Variants in KHDRBS2 observed in about 807,000 individuals in gnomAD.
The protein encoded by KHDRBS2 is KH domain-containing, RNA-binding, signal transduction-associated protein 2.
KHDRBS2 carries 26 observed loss-of-function variants against 44.3 expected under a neutral mutation model. The ratio of observed to expected loss-of-function variants is 0.59; its 90% CI spans 0.43 to 0.81. KHDRBS2 has a LOEUF of 0.81. Ranked by LOEUF, KHDRBS2 falls within the 40% of genes least tolerant of loss-of-function variation. KHDRBS2 has a pLI of 0.00. For synonymous variants in KHDRBS2, 194 were observed against 151.1 expected, an observed-to-expected ratio of 1.28 and a Z score of -2.08; for missense variants, 476 against 433.1, an observed-to-expected ratio of 1.10 and a Z score of -0.88.
intron 6 of KHDRBS2, among the ~76,000 whole-genome samples, chr6:61,735,230 T>C (rs1173113609): frequency 2.0e-5 from 3 of 152,136 alleles, no homozygotes; most frequent in African/African-American, 4.8e-5. Flanking sequence ...TCAACAATTA[T>C]TGACATTTTG....
At chr6:62,131,991 G>T (rs1170982484) in intron 2 of KHDRBS2, among the ~76,000 whole-genome samples, 1 of 152,130 alleles carries the variant, frequency 6.6e-6, no homozygotes, top group Non-Finnish European at 1.5e-5. Flanking sequence ...AGAAATCAGT[G>T]AAATCACTCA....
At chr6:61,580,604 C>T in the KHDRBS2 span, among the ~76,000 whole-genome samples, 18 of 152,084 alleles carry the variant, frequency 1.2e-4, no homozygotes, top group Admixed American at 7.9e-4. Flanking sequence ...GGCTTCATTC[C>T]TGAAGTCAGC....
chr6:61,882,593 A>C (rs1583315150), intron 6 of KHDRBS2, among the ~76,000 whole-genome samples: 1 of 152,068 alleles, frequency 6.6e-6, no homozygotes, highest in East Asian at 1.9e-4. Context: ...TCAACAATGA[A>C]GAGAAATAGT....
chr6:61,671,508 A>G, the KHDRBS2 span, among the ~76,000 whole-genome samples: 3,743 of 151,838 alleles, frequency 0.025, 73 homozygotes, highest in Middle Eastern at 0.082. Flanking sequence ...CATATCAAGT[A>G]GAGTGACTTT....
chr6:62,089,095 T>G (rs1798991300), intron 2 of KHDRBS2, among the ~76,000 whole-genome samples: 1 of 152,058 alleles, frequency 6.6e-6, no homozygotes, highest in Non-Finnish European at 1.5e-5. Flanking sequence ...CATCCCAGGT[T>G]GACTTCAGAC....
chr6:61,734,226 G>A (rs930829807), intron 6 of KHDRBS2, among the ~76,000 whole-genome samples: 7 of 151,882 alleles, frequency 4.6e-5, no homozygotes, highest in African/African-American at 1.7e-4. Flanking sequence ...TTTTTGCTCT[G>A]CAGTATGAAA....
intron 6 of KHDRBS2, among the ~76,000 whole-genome samples, chr6:61,764,827 G>A (rs1216999512): frequency 6.6e-6 from 1 of 151,956 alleles, no homozygotes; most frequent in Non-Finnish European, 1.5e-5. Context: ...CTTTCTGTAG[G>A]TTGTCTGTTC....
At chr6:62,048,845 A>G (rs1464653390) in intron 2 of KHDRBS2, among the ~76,000 whole-genome samples, 1 of 151,972 alleles carries the variant, frequency 6.6e-6, no homozygotes, top group Non-Finnish European at 1.5e-5. Flanking sequence ...AAATACAAAG[A>G]ACATAGAATG....
At chr6:61,779,321 C>T (rs537401507) in intron 6 of KHDRBS2, among the ~76,000 whole-genome samples, 2 of 151,954 alleles carry the variant, frequency 1.3e-5, no homozygotes, top group Non-Finnish European at 2.9e-5. Flanking sequence ...CATGGAGTTT[C>T]TATGGTATGA....
chr6:62,206,142 C>T lies in KHDRBS2; in HGVS notation c.92-28830G>A, dbSNP rs193204070. 8.7e-4 allele frequency among the ~76,000 whole-genome samples: 132 copies of T among 152,156 alleles called. 1 individual carries two copies. The highest frequency in any genetic ancestry group is 1.4e-3 in the Non-Finnish European group (97 of 67,974). On this transcript the variant is annotated intron_variant, in intron 1 of 8. Coordinates refer to ENST00000281156, the MANE Select transcript of KHDRBS2 (RefSeq NM_152688.4). Reference sequence around the variant, plus strand: ...TGAAGAGTCCGTATACAACAGAGAACCTCACTAAAAGTATCTTCAACAGAA... The same window carrying T: ...TGAAGAGTCCGTATACAACAGAGAATCTCACTAAAAGTATCTTCAACAGAA...
chr6:62,186,366 T>C (rs1466491267), intron 1 of KHDRBS2, among the ~76,000 whole-genome samples: 1 of 152,096 alleles, frequency 6.6e-6, no homozygotes, highest in African/African-American at 2.4e-5. Context: ...ATTATCATTT[T>C]ATTTACTTGC....
the KHDRBS2 span, among the ~76,000 whole-genome samples, chr6:61,591,122 A>T: frequency 2.0e-5 from 3 of 152,178 alleles, no homozygotes; most frequent in Admixed American, 6.5e-5. Context: ...TGTTTCTCAT[A>T]CTGTGCTTCA....
intron 3 of KHDRBS2, among the ~76,000 whole-genome samples, chr6:62,032,485 T>C (rs540102430): frequency 6.6e-6 from 1 of 151,762 alleles, no homozygotes; most frequent in African/African-American, 2.4e-5. Flanking sequence ...TTGTGGGACC[T>C]TGTGATCGTG....
chr6:61,589,872 T>C, the KHDRBS2 span, among the ~76,000 whole-genome samples: 1 of 152,204 alleles, frequency 6.6e-6, no homozygotes, highest in African/African-American at 2.4e-5. Flanking sequence ...ATGAGGGTTA[T>C]AGTCAGTCCC....
At chr6:61,933,749 GACC>G (rs1810516042) in intron 4 of KHDRBS2, among the ~76,000 whole-genome samples, 1 of 152,116 alleles carries the variant, frequency 6.6e-6, no homozygotes, top group East Asian at 1.9e-4. Context: ...AATTTTATGA[GACC>G]ACCGTGTATA....
At chr6:61,620,190 C>A in the KHDRBS2 span, among the ~76,000 whole-genome samples, 3 of 151,784 alleles carry the variant, frequency 2.0e-5, no homozygotes, top group Non-Finnish European at 4.4e-5. Context: ...AAACTATAAG[C>A]ATTCAGAAGT....
chr6:62,130,705 C>T (rs1334713110), intron 2 of KHDRBS2, among the ~76,000 whole-genome samples: 2 of 152,020 alleles, frequency 1.3e-5, no homozygotes, highest in East Asian at 3.9e-4. Context: ...TTTAAAACAC[C>T]TAACATGCAG....
intron 3 of KHDRBS2, among the ~76,000 whole-genome samples, chr6:62,024,317 A>G (rs1365020190): frequency 2.0e-5 from 3 of 151,530 alleles, no homozygotes; most frequent in East Asian, 3.9e-4. Context: ...TCATTTATTC[A>G]CACTATTTTT....
chr6:62,266,456 A>C (rs1839216795), intron 1 of KHDRBS2, among the ~76,000 whole-genome samples: 1 of 151,982 alleles, frequency 6.6e-6, no homozygotes, highest in South Asian at 2.1e-4. Flanking sequence ...TCACCTCTCC[A>C]CTTGTGTATG....
Sources: allele counts gnomAD v4.1 joint callset (sites outside exome capture counted in the v4.1 genomes callset), GRCh38; gene constraint gnomAD v4.1.1; transcripts MANE v1.5; gene names NCBI Gene and HGNC (gene_info 2026-07-23, HGNC 2026-07-21).